RBFOX1: variants seen among roughly 807,000 people sequenced by gnomAD.
RBFOX1 encodes the protein RNA binding protein fox-1 homolog 1.
Under a neutral mutation model 57.7 loss-of-function variants are expected in RBFOX1, and 8 were observed. The ratio of observed to expected loss-of-function variants is 0.14; its 90% confidence interval spans 0.08 to 0.25. The LOEUF (loss-of-function observed/expected upper bound fraction) is 0.25. Among genes scored for constraint, RBFOX1 ranks in the 10% least tolerant of loss-of-function variants. The pLI is 1.00. For missense variants in RBFOX1, 611 were observed against 548.5 expected, an observed-to-expected ratio of 1.11 and a Z score of -1.14; for synonymous variants, 326 against 222.4, an observed-to-expected ratio of 1.47 and a Z score of -4.15.
intron 2 of RBFOX1, among the ~76,000 whole-genome samples, chr16:6,503,171 T>C (rs2095988232): frequency 6.6e-6 from 1 of 151,538 alleles, no homozygotes; most frequent in Admixed American, 6.6e-5. Context: ...ACCAATTTAT[T>C]ATATGTGATT....
intron 2 of RBFOX1, among the ~76,000 whole-genome samples, chr16:6,339,711 C>T (rs769006915): frequency 3.3e-5 from 5 of 151,772 alleles, no homozygotes; most frequent in African/African-American, 4.8e-5. Context: ...CGCTCTGTCA[C>T]CCAGGCTGGA....
chr16:5,584,670 C>T (rs2046775957), intron 2 of RBFOX1, among the ~76,000 whole-genome samples: 1 of 152,126 alleles, frequency 6.6e-6, no homozygotes. Flanking sequence ...CCCTGTGACA[C>T]AGATGGGAGA....
At chr16:7,485,062 CTT>C (rs57122573) in intron 4 of RBFOX1, among the ~76,000 whole-genome samples, 270 of 147,552 alleles carry the variant, frequency 1.8e-3, no homozygotes, top group East Asian at 8.8e-3. Flanking sequence ...CATTAATCCA[CTT>C]TTTTTTTTTT....
intron 2 of RBFOX1, among the ~76,000 whole-genome samples, chr16:6,598,829 C>G (rs1419552272): frequency 1.3e-5 from 2 of 151,360 alleles, no homozygotes; most frequent in Non-Finnish European, 2.9e-5. Flanking sequence ...ACCTGTAGTC[C>G]CAGCTACTCG....
At chr16:6,668,959 G>T (rs1021174147) in intron 3 of RBFOX1, among the ~76,000 whole-genome samples, 1 of 152,208 alleles carries the variant, frequency 6.6e-6, no homozygotes, top group Non-Finnish European at 1.5e-5. Context: ...GCTTTTTTGT[G>T]ATGAGTGGAG....
At chr16:6,487,738 TATATATATATATATATAA>T in intron 2 of RBFOX1, among the ~76,000 whole-genome samples, 1 of 56,420 alleles carries the variant, frequency 1.8e-5, no homozygotes, top group Non-Finnish European at 3.5e-5. Flanking sequence ...TATATATATA[TATATATATATATATATAA>T]AATATTATGC....
At chr16:6,867,112 T>G (rs1241191115) in intron 3 of RBFOX1, among the ~76,000 whole-genome samples, 1 of 152,208 alleles carries the variant, frequency 6.6e-6, no homozygotes, top group South Asian at 2.1e-4. Flanking sequence ...AGTGGGAATT[T>G]CTGATAAAGC....
chr16:7,359,641 A>G (rs1028600752), intron 4 of RBFOX1, among the ~76,000 whole-genome samples: 1 of 152,202 alleles, frequency 6.6e-6, no homozygotes, highest in African/African-American at 2.4e-5. Flanking sequence ...TGCTGTCTAC[A>G]GCACGTCTCT....
chr16:5,463,277 C>A (rs2068847163), intron 1 of RBFOX1, among the ~76,000 whole-genome samples: 1 of 152,006 alleles, frequency 6.6e-6, no homozygotes, highest in South Asian at 2.1e-4. Context: ...TTTCTGGGAT[C>A]ACACATACTG....
intron 3 of RBFOX1, among the ~76,000 whole-genome samples, chr16:5,805,042 G>T (rs1354591597): frequency 2.0e-5 from 3 of 152,082 alleles, no homozygotes; most frequent in Admixed American, 2.0e-4. Context: ...GAAAAATACA[G>T]TTTGGGGAGC....
chr16:5,984,736 A>C (rs906206125), intron 4 of RBFOX1, among the ~76,000 whole-genome samples: 3 of 151,980 alleles, frequency 2.0e-5, no homozygotes, highest in African/African-American at 7.3e-5. Flanking sequence ...ACTTAACGCA[A>C]ACCTAGATGG....
chr16:6,885,620 C>G (rs1463134638), intron 3 of RBFOX1, among the ~76,000 whole-genome samples: 2 of 152,086 alleles, frequency 1.3e-5, no homozygotes, highest in Non-Finnish European at 2.9e-5. Context: ...CCACCTCTGC[C>G]TCCTGAGTTC....
At chr16:6,538,010 T>G (rs2096759079) in intron 2 of RBFOX1, among the ~76,000 whole-genome samples, 1 of 151,788 alleles carries the variant, frequency 6.6e-6, no homozygotes. Context: ...TATTTCTACT[T>G]TCAAACTTTT....
chr16:5,342,095 G>A (rs190886334), intron 1 of RBFOX1, among the ~76,000 whole-genome samples: 94 of 152,256 alleles, frequency 6.2e-4, no homozygotes, highest in African/African-American at 2.2e-3. Flanking sequence ...CAGAGTTTGC[G>A]GCAGATCGTA....
intron 4 of RBFOX1, among the ~76,000 whole-genome samples, chr16:7,100,060 GGGTGAGGGT>G: frequency 6.6e-6 from 1 of 151,686 alleles, no homozygotes; most frequent in East Asian, 1.9e-4. Flanking sequence ...ACATGATGGG[GGGTGAGGGT>G]GGTCACCTTC....
intron 3 of RBFOX1, among the ~76,000 whole-genome samples, chr16:6,894,424 A>C (rs56112752): frequency 6.6e-6 from 1 of 151,954 alleles, no homozygotes; most frequent in African/African-American, 2.4e-5. Context: ...GCACTTCTCT[A>C]ATTCTGTGAG....
chr16:6,827,249 C>G (rs150092753), intron 3 of RBFOX1, among the ~76,000 whole-genome samples: 3 of 150,258 alleles, frequency 2.0e-5, no homozygotes, highest in Admixed American at 1.3e-4. Context: ...TCCTAAAGTT[C>G]TTCTCTTCAA....
At chr16:7,048,598 C>G (rs1411380227) in intron 3 of RBFOX1, among the ~76,000 whole-genome samples, 1 of 152,158 alleles carries the variant, frequency 6.6e-6, no homozygotes, top group East Asian at 1.9e-4. Context: ...TTTGCTAATG[C>G]TGTCAATTTT....
chr16:6,085,664 G>GTGTGTGTGTT (rs1289071882), intron 1 of RBFOX1, among the ~76,000 whole-genome samples: 1 of 152,078 alleles, frequency 6.6e-6, no homozygotes, highest in Non-Finnish European at 1.5e-5. Context: ...GTGTGTGTGT[G>GTGTGTGTGTT]TGTGTCTGTG....
Sources: allele counts gnomAD v4.1 joint callset (sites outside exome capture counted in the v4.1 genomes callset), GRCh38; gene constraint gnomAD v4.1.1; transcripts MANE v1.5; gene names NCBI Gene and HGNC (gene_info 2026-07-23, HGNC 2026-07-21).